Variants in SMG5 observed in about 807,000 individuals in gnomAD.
SMG5 encodes nonsense-mediated mRNA decay factor SMG5.
In SMG5, 53 loss-of-function variants were observed where a neutral mutation model predicts 122.9. The observed-to-expected ratio is 0.43, with a 90% CI of 0.35 to 0.54. SMG5 has a LOEUF of 0.54. SMG5 is among the 20% of genes least tolerant of loss of function. The probability of loss-of-function intolerance (pLI) is 0.01; values close to 1 mark genes in which losing one functional copy is unlikely to be tolerated. For synonymous variants in SMG5, 477 were observed against 490.2 expected (o/e 0.97, Z 0.35); for missense variants, 1,153 against 1,285.6 (o/e 0.90, Z 1.58).
intron 17 of SMG5, 80 bp from the exon 18 acceptor site, chr1:156,253,158 C>CT: frequency 7.0e-7 from 1 of 1,431,050 alleles, no homozygotes; most frequent in Non-Finnish European, 9.3e-7. Flanking sequence ...CTCAAGGTGG[C>CT]TCTATGGGGC....
At chr1:156,274,948 C>T (rs1662612930) in intron 4 of SMG5, among the ~76,000 whole-genome samples, 1 of 151,958 alleles carries the variant, frequency 6.6e-6, no homozygotes. Context: ...GGGCCCTCAA[C>T]CTAGGATGGC....
At chr1:156,273,008 G>A (rs1283563865) in intron 6 of SMG5, among the ~76,000 whole-genome samples, 1 of 152,072 alleles carries the variant, frequency 6.6e-6, no homozygotes, top group Non-Finnish European at 1.5e-5. Context: ...CTCTATCTCA[G>A]CACTGAATGC....
At chr1:156,257,540 T>C (rs527437403) in intron 16 of SMG5, among the ~76,000 whole-genome samples, 1 of 152,296 alleles carries the variant, frequency 6.6e-6, no homozygotes, top group African/African-American at 2.4e-5. Flanking sequence ...AGCTTTAGGC[T>C]AGAGGAAATG....
intron 15 of SMG5, among the ~76,000 whole-genome samples, chr1:156,260,132 T>C (rs1661751697): frequency 6.6e-6 from 1 of 151,984 alleles, no homozygotes; most frequent in Non-Finnish European, 1.5e-5. Flanking sequence ...GGCCCAGAGT[T>C]AGAAAAGAGA....
chr1:156,249,264 T>C lies in SMG5; in HGVS notation c.*1323A>G, dbSNP rs1213543876. ...TTATTAAGTGATGCTTTAGTCTCAGTCTCTGCCAGCAACTGGGAGTGGGGT... is the reference window on the plus strand; with the variant it reads ...TTATTAAGTGATGCTTTAGTCTCAGCCTCTGCCAGCAACTGGGAGTGGGGT... On this transcript the variant is annotated 3_prime_UTR_variant, in exon 22 of 22. Transcript: ENST00000361813. 1 of 180,468 alleles carries C rather than the reference T, an allele frequency of 5.5e-6. No individual in the cohort carries two copies. Among genetic ancestry groups the C allele is most frequent in the African/African-American group, 2.4e-5 (1 of 42,234 alleles). 11.2% of individuals were successfully genotyped at this position (180,468 alleles called of 1,614,324 possible). A position where few individuals can be genotyped will look rare whatever the true frequency, so the allele number is the denominator to read the frequency against.
chr1:156,276,299 A>C (rs1324874141), intron 4 of SMG5, among the ~76,000 whole-genome samples: 1 of 151,496 alleles, frequency 6.6e-6, no homozygotes, highest in African/African-American at 2.4e-5. Flanking sequence ...GCTAATTTTT[A>C]TATTTTTAAT....
the SMG5 span, chr1:156,291,365 C>T: frequency 6.2e-7 from 1 of 1,612,300 alleles, no homozygotes; most frequent in Non-Finnish European, 8.5e-7. Context: ...AGTAGCCTGA[C>T]CCTTTTCTTG....
At chr1:156,264,887 AT>A (rs1662045381) in intron 12 of SMG5, among the ~76,000 whole-genome samples, 1 of 151,956 alleles carries the variant, frequency 6.6e-6, no homozygotes, top group African/African-American at 2.4e-5. Flanking sequence ...TTAGCCGGGC[AT>A]GGTGGTGCGT....
At chr1:156,272,458 C>A (rs1238885165) in intron 6 of SMG5, 60 bp from the exon 7 acceptor site, 22 of 1,397,816 alleles carry the variant, frequency 1.6e-5, no homozygotes, top group Non-Finnish European at 2.1e-5. Flanking sequence ...AGCTGCCAGG[C>A]CCAACCAATG....
At position 156,276,416 on chromosome 1, in the gene SMG5, C is replaced by T. The variant is rs191596130; in HGVS notation, c.454+669G>A. Reference sequence around the variant, plus strand: ...TGCTGGGATTACAGGCATGAGCCACCGTGCCCGGTCTAGATGTTTTTAAAT... The same window carrying T: ...TGCTGGGATTACAGGCATGAGCCACTGTGCCCGGTCTAGATGTTTTTAAAT... On this transcript the variant is annotated intron_variant, in intron 4 of 21. Transcript: ENST00000361813. 5.3e-4 allele frequency among the ~76,000 whole-genome samples: 80 copies of T among 152,306 alleles called. 1 individual carries two copies. Among genetic ancestry groups the T allele is most frequent in the Middle Eastern group, 6.8e-3 (2 of 294 alleles).
At chr1:156,262,175 G>A (rs1466335437) in intron 13 of SMG5, among the ~76,000 whole-genome samples, 1 of 152,080 alleles carries the variant, frequency 6.6e-6, no homozygotes, top group South Asian at 2.1e-4. Context: ...GCCTGGCTGA[G>A]CTTTTTCACC....
At chr1:156,275,032 A>G (rs1662616767) in intron 4 of SMG5, among the ~76,000 whole-genome samples, 1 of 151,424 alleles carries the variant, frequency 6.6e-6, no homozygotes, top group African/African-American at 2.4e-5. Flanking sequence ...GAATAGGGTC[A>G]TGAATGTCTT....
chr1:156,279,006 C>T lies in SMG5; in HGVS notation c.103G>A (p.Asp35Asn). ...RAVVEAVHRLDLILCNKTAYQ... is the reference protein window; with the variant it reads ...RAVVEAVHRLNLILCNKTAYQ... ...GCAGTTTTGTTGCAAAGGATGAGGT[C>T]AAGTCGATGCACAGCCTCCACCACA... Residue 35 changes from aspartate (D) to asparagine (N), a missense_variant, in exon 2 of 22, where the codon GAC (aspartate) becomes AAC (asparagine). Asp to Asn is a conservative substitution (Grantham distance 23, BLOSUM62 1). This residue lies in a region of SMG5 where 213 missense variants were observed against 197.5 expected (regional missense o/e 1.08). Coordinates refer to ENST00000361813, the MANE Select transcript of SMG5 (RefSeq NM_015327.3). The T allele has an allele frequency of 1.9e-6, 3 of 1,614,140 alleles. No individual in the cohort carries two copies. Among genetic ancestry groups the T allele is most frequent in the Non-Finnish European group, 2.5e-6 (3 of 1,180,026 alleles).
At chr1:156,289,468 C>T in the SMG5 span, among the ~76,000 whole-genome samples, 6 of 152,104 alleles carry the variant, frequency 3.9e-5, no homozygotes, top group African/African-American at 9.7e-5. Flanking sequence ...AAAAATTAGC[C>T]GGGCATGGTG....
intron 7 of SMG5, among the ~76,000 whole-genome samples, chr1:156,269,735 C>A (rs915083166): frequency 6.6e-6 from 1 of 152,242 alleles, no homozygotes; most frequent in East Asian, 1.9e-4. Context: ...ATTAGCCGGG[C>A]GTGTTGGCAG....
intron 15 of SMG5, among the ~76,000 whole-genome samples, chr1:156,260,236 C>T (rs1661756666): frequency 6.6e-6 from 1 of 152,186 alleles, no homozygotes; most frequent in African/African-American, 2.4e-5. Context: ...ATAGTAGAAA[C>T]TACCAATGGC....
chr1:156,252,789 G>A (rs1030993168), intron 18 of SMG5, 130 bp downstream of exon 18: 1 of 977,232 alleles, frequency 1.0e-6, no homozygotes, highest in Admixed American at 2.9e-5. Context: ...TGAAGTGACG[G>A]GTTCACAAAG....
At position 156,251,433 on chromosome 1, in the gene SMG5, T is replaced by G. The variant is rs1558231002; in HGVS notation, c.2798A>C (p.His933Pro). The G allele has an allele frequency of 6.2e-7, 1 of 1,614,192 alleles. No individual in the cohort carries two copies. Among genetic ancestry groups the G allele is most frequent in the East Asian group, 2.2e-5 (1 of 44,884 alleles). Reference sequence around the variant, plus strand: ...ATCTGCATCCTGCCTCTTCAGCTTATGCCGCTCAAAGCTCTTTCCCACCTC... The same window carrying G: ...ATCTGCATCCTGCCTCTTCAGCTTAGGCCGCTCAAAGCTCTTTCCCACCTC... ...QKEVGKSFER[H>P]KLKRQDADAW... Residue 933 changes from histidine (H) to proline (P), a missense_variant, in exon 20 of 22, where the codon CAT becomes CCT. Physicochemically the swap from His to Pro is moderately conservative, Grantham distance 77 (BLOSUM62 -2). This residue lies in a region of SMG5 where 140 missense variants were observed against 227.8 expected (regional missense o/e 0.61). Coordinates refer to ENST00000361813, the MANE Select transcript of SMG5 (RefSeq NM_015327.3).
intron 18 of SMG5, 67 bp downstream of exon 18, chr1:156,252,852 C>G: frequency 6.9e-7 from 1 of 1,446,612 alleles, no homozygotes; most frequent in Non-Finnish European, 9.1e-7. Context: ...CAAATAAGGT[C>G]TCTTAATCCC....
Sources: allele counts gnomAD v4.1 joint callset (sites outside exome capture counted in the v4.1 genomes callset), GRCh38; gene constraint gnomAD v4.1.1; regional missense constraint gnomAD v4.1.1; transcripts MANE v1.5; gene names NCBI Gene and HGNC (gene_info 2026-07-23, HGNC 2026-07-21).